Variants in PDLIM5 observed in about 807,000 individuals in gnomAD.
The protein encoded by PDLIM5 is PDZ and LIM domain 5.
Under a neutral mutation model 64.2 loss-of-function variants are expected in PDLIM5, and 34 were observed. The ratio of observed to expected loss-of-function variants is 0.53; its 90% CI spans 0.40 to 0.71. The LOEUF (loss-of-function observed/expected upper bound fraction) is 0.71, where lower values mean the gene tolerates loss of function less well. Ranked by LOEUF, PDLIM5 falls within the 30% of genes least tolerant of loss-of-function variation. PDLIM5 has a pLI of 0.00. For synonymous variants in PDLIM5, 253 were observed against 269.1 expected, an observed-to-expected ratio of 0.94 and a Z score of 0.59; for missense variants, 683 against 733.6, an observed-to-expected ratio of 0.93 and a Z score of 0.80.
At chr4:94,602,376 A>G (rs1737573095) in intron 7 of PDLIM5, among the ~76,000 whole-genome samples, 1 of 152,204 alleles carries the variant, frequency 6.6e-6, no homozygotes, top group Non-Finnish European at 1.5e-5. Context: ...CATAGTTTGC[A>G]TATAATTCCA....
chr4:94,527,927 G>C (rs539246832), intron 3 of PDLIM5, among the ~76,000 whole-genome samples: 23 of 152,330 alleles, frequency 1.5e-4, no homozygotes, highest in Admixed American at 1.3e-3. Flanking sequence ...AACACCTGGG[G>C]AATTGGTGTA....
chr4:94,587,881 A>G, intron 7 of PDLIM5: 2 of 880,888 alleles, frequency 2.3e-6, no homozygotes, highest in Middle Eastern at 5.8e-4. Context: ...TAATCAGAAG[A>G]ACATAAAATA....
intron 2 of PDLIM5, among the ~76,000 whole-genome samples, chr4:94,518,712 A>T (rs530017342): frequency 2.0e-3 from 309 of 152,242 alleles, no homozygotes; most frequent in Non-Finnish European, 3.5e-3. Context: ...ATTAATCATT[A>T]TTTTGATGTT....
chr4:94,637,285 G>T (rs1188138621), intron 8 of PDLIM5, among the ~76,000 whole-genome samples: 1 of 152,178 alleles, frequency 6.6e-6, no homozygotes, highest in Non-Finnish European at 1.5e-5. Context: ...TCAAGATCAG[G>T]CGTGGTGGCT....
In PDLIM5 at chr4:94,463,952, G is replaced by A. The variant is rs1223665095; in HGVS notation, c.96+8568G>A. 5.3e-5 allele frequency among the ~76,000 whole-genome samples: 8 copies of A among 152,184 alleles called. No individual in the cohort carries two copies. The East Asian group carries it at 1.5e-3, about 29-fold the overall frequency. ...GCATAGTGAGTCAGGCATTGTGAAG[G>A]TATACTAATGTGTGGCACAAGGTAG... On this transcript the variant is annotated intron_variant, in intron 2 of 12. Coordinates refer to ENST00000317968, the MANE Select transcript of PDLIM5 (RefSeq NM_006457.5).
At position 94,573,378 on chromosome 4, in the gene PDLIM5, G is replaced by A. The variant is rs145853286; in HGVS notation, c.276G>A (p.Pro92=). 47 of 1,611,650 alleles carry A rather than the reference G, an allele frequency of 2.9e-5. No homozygotes were observed. Among genetic ancestry groups the A allele is most frequent in the African/African-American group, 1.2e-4 (9 of 74,708 alleles). ...QRASAAPKPE[P]VPVQKGEPKE... The stretch of plus-strand genomic sequence containing the variant: ...CATCTGCTGCACCCAAGCCTGAGCC[G>A]GTTCCTGTTCAAAAGGTGTGTTTTT... Residue 92 remains proline (P), a synonymous_variant, in exon 4 of 13, where the codon CCG becomes CCA. Coordinates refer to ENST00000317968, the MANE Select transcript of PDLIM5 (RefSeq NM_006457.5).
chr4:94,549,300 G>A (rs1212743718), intron 3 of PDLIM5, among the ~76,000 whole-genome samples: 3 of 152,026 alleles, frequency 2.0e-5, no homozygotes, highest in Non-Finnish European at 4.4e-5. Context: ...TCTCTGTCTC[G>A]ATGTATGCAT....
chr4:94,522,391 GA>G (rs1206019160), intron 2 of PDLIM5, among the ~76,000 whole-genome samples: 3 of 151,644 alleles, frequency 2.0e-5, no homozygotes, highest in Non-Finnish European at 4.4e-5. Context: ...TTTATTTTTT[GA>G]GGGGATGGAG....
chr4:94,632,975 T>C (rs1484501812), intron 8 of PDLIM5, among the ~76,000 whole-genome samples: 2 of 152,080 alleles, frequency 1.3e-5, no homozygotes, highest in Non-Finnish European at 1.5e-5. Flanking sequence ...AAGTTATTAG[T>C]AATTTGTTAC....
In PDLIM5 at chr4:94,484,807, T is replaced by C. The variant is rs530854622; in HGVS notation, c.96+29423T>C. 7.3e-4 allele frequency among the ~76,000 whole-genome samples: 111 copies of C among 152,340 alleles called. 1 individual carries two copies. Among genetic ancestry groups the C allele is most frequent in the South Asian group, 1.9e-3 (9 of 4,830 alleles). On this transcript the variant is annotated intron_variant, in intron 2 of 12. Transcript: ENST00000317968. ...ATTTCAGATCACTAGGCTTCTGTTA[T>C]AGAAATGCTATCATAGAGAATAATA...
At chr4:94,485,257 A>G (rs1055389992) in intron 2 of PDLIM5, among the ~76,000 whole-genome samples, 9 of 152,208 alleles carry the variant, frequency 5.9e-5, no homozygotes, top group African/African-American at 1.9e-4. Context: ...GCTCTTGCCA[A>G]ATTCTTCTAT....
chr4:94,543,255 T>G (rs1731985053), intron 3 of PDLIM5, among the ~76,000 whole-genome samples: 1 of 152,080 alleles, frequency 6.6e-6, no homozygotes. Flanking sequence ...CCTTCTTTGC[T>G]TCCTCCATCT....
chr4:94,577,400 C>CTCTA (rs1195588257), intron 5 of PDLIM5: 1 of 456,232 alleles, frequency 2.2e-6, no homozygotes, highest in African/African-American at 2.0e-5. Context: ...AGAGCAGGAG[C>CTCTA]TCTAGAAGAA....
At chr4:94,505,124 G>C (rs1200951230) in intron 2 of PDLIM5, among the ~76,000 whole-genome samples, 1 of 152,132 alleles carries the variant, frequency 6.6e-6, no homozygotes, top group Non-Finnish European at 1.5e-5. Context: ...ACACCAACCA[G>C]TCATTTCTCC....
rs553104307 is a variant in PDLIM5 at position 94,617,200 on chromosome 4, AT to A, written c.921-794del. On this transcript the variant is annotated intron_variant, in intron 7 of 12. Coordinates refer to ENST00000317968, the MANE Select transcript of PDLIM5 (RefSeq NM_006457.5). ...ATAATTTGGGCTACCTAGAATTATT[AT>A]TTTTTTTTTGGAAATGATGTTATAT... 2.2e-4 allele frequency among the ~76,000 whole-genome samples: 33 copies of A among 150,298 alleles called. 1 individual carries two copies. Among genetic ancestry groups the A allele is most frequent in the African/African-American group, 5.3e-4 (22 of 41,124 alleles).
chr4:94,518,853 CT>C (rs1395960882), intron 2 of PDLIM5, among the ~76,000 whole-genome samples: 1 of 152,138 alleles, frequency 6.6e-6, no homozygotes, highest in Non-Finnish European at 1.5e-5. Context: ...CCTCCTCTGC[CT>C]TCTATACCGG....
chr4:94,547,028 A>G (rs1732386318), intron 3 of PDLIM5, among the ~76,000 whole-genome samples: 2 of 152,174 alleles, frequency 1.3e-5, no homozygotes, highest in Admixed American at 1.3e-4. Flanking sequence ...CAGAAACCCC[A>G]GAACATGGTT....
At chr4:94,552,495 C>T (rs1482532572) in intron 3 of PDLIM5, among the ~76,000 whole-genome samples, 3 of 151,968 alleles carry the variant, frequency 2.0e-5, no homozygotes, top group Non-Finnish European at 4.4e-5. Flanking sequence ...GATTAAATTC[C>T]AACTCTATAA....
chr4:94,547,251 T>C (rs1404133962), intron 3 of PDLIM5, among the ~76,000 whole-genome samples: 1 of 152,180 alleles, frequency 6.6e-6, no homozygotes, highest in Non-Finnish European at 1.5e-5. Context: ...GTTACAGGTC[T>C]GAAATGGGCT....
Sources: allele counts gnomAD v4.1 joint callset (sites outside exome capture counted in the v4.1 genomes callset), GRCh38; gene constraint gnomAD v4.1.1; transcripts MANE v1.5; gene names NCBI Gene and HGNC (gene_info 2026-07-23, HGNC 2026-07-21).